MYO1E: variants seen among roughly 807,000 people sequenced by gnomAD.
MYO1E encodes unconventional myosin-Ie.
A neutral mutation model predicts 151.1 loss-of-function variants in MYO1E; 68 were observed. The ratio of observed to expected loss-of-function variants is 0.45; its 90% CI spans 0.37 to 0.55. MYO1E has a LOEUF of 0.55. Among genes scored for constraint, MYO1E ranks in the 20% least tolerant of loss-of-function variants. MYO1E has a pLI of 0.00. For synonymous variants in MYO1E, 601 were observed against 501.7 expected (o/e 1.20, Z -2.64); for missense variants, 1,363 against 1,389.3 (o/e 0.98, Z 0.30).
At chr15:59,297,790 C>T (rs116761949) in intron 1 of MYO1E, among the ~76,000 whole-genome samples, 111 of 151,970 alleles carry the variant, frequency 7.3e-4, no homozygotes, top group African/African-American at 2.4e-3. Context: ...CTATGTTGCC[C>T]GGGTTGGTCT....
intron 1 of MYO1E, among the ~76,000 whole-genome samples, chr15:59,314,031 T>C (rs557241902): frequency 6.6e-6 from 1 of 152,360 alleles, no homozygotes; most frequent in South Asian, 2.1e-4. Context: ...CATTCATGCT[T>C]TCAGGCCTGG....
intron 1 of MYO1E, among the ~76,000 whole-genome samples, chr15:59,297,025 GTGT>G (rs2080453605): frequency 5.5e-5 from 3 of 54,774 alleles, no homozygotes; most frequent in Non-Finnish European, 8.7e-5. Context: ...CTAATTTTTT[GTGT>G]TTTTTTGTAG....
At chr15:59,140,622 GAAC>G (rs1234306199) in intron 26 of MYO1E, among the ~76,000 whole-genome samples, 10 of 152,328 alleles carry the variant, frequency 6.6e-5, no homozygotes, top group Admixed American at 3.9e-4. Context: ...GTTCTGGAAA[GAAC>G]AACCACACCC....
intron 26 of MYO1E, among the ~76,000 whole-genome samples, chr15:59,151,976 G>C (rs944720547): frequency 1.3e-5 from 2 of 152,100 alleles, no homozygotes; most frequent in Non-Finnish European, 2.9e-5. Context: ...GCTGAGGCAG[G>C]GGAATCGCTT....
At chr15:59,285,512 C>T (rs547309846) in intron 1 of MYO1E, among the ~76,000 whole-genome samples, 7 of 152,028 alleles carry the variant, frequency 4.6e-5, no homozygotes, top group African/African-American at 9.6e-5. Flanking sequence ...AGGTGCCCAC[C>T]GCCACGCCCA....
chr15:59,153,567 T>C (rs146722975), intron 26 of MYO1E, 23 bp downstream of exon 26: 1 of 1,612,050 alleles, frequency 6.2e-7, no homozygotes, highest in South Asian at 1.1e-5. Context: ...GCCGGCTTCA[T>C]CCAGAGGATG....
chr15:59,293,441 G>C (rs957968684), intron 1 of MYO1E, among the ~76,000 whole-genome samples: 4 of 151,960 alleles, frequency 2.6e-5, no homozygotes, highest in Non-Finnish European at 5.9e-5. Context: ...AGCTACTTGG[G>C]AGACCAAGGC....
At chr15:59,151,960 C>T (rs1328552171) in intron 26 of MYO1E, among the ~76,000 whole-genome samples, 2 of 151,824 alleles carry the variant, frequency 1.3e-5, no homozygotes, top group Non-Finnish European at 1.5e-5. Context: ...CCTGGCTACT[C>T]GGGAGGCTGA....
intron 17 of MYO1E, among the ~76,000 whole-genome samples, chr15:59,192,582 G>A (rs1024125468): frequency 3.3e-5 from 5 of 152,088 alleles, no homozygotes; most frequent in Admixed American, 6.5e-5. Context: ...TGCCAACTCC[G>A]TCTTGCAGAG....
chr15:59,240,369 AGT>A (rs778056693), intron 4 of MYO1E, among the ~76,000 whole-genome samples: 2 of 151,966 alleles, frequency 1.3e-5, no homozygotes, highest in Admixed American at 1.3e-4. Context: ...AGTATTGTAG[AGT>A]GTGTGTCTGT....
At chr15:59,240,446 G>T (rs766302994) in intron 4 of MYO1E, among the ~76,000 whole-genome samples, 19 of 152,142 alleles carry the variant, frequency 1.2e-4, no homozygotes, top group Non-Finnish European at 2.4e-4. Context: ...CAACGAAATG[G>T]AAAGAATGTT....
chr15:59,294,952 C>T (rs1477498210), intron 1 of MYO1E, among the ~76,000 whole-genome samples: 1 of 152,096 alleles, frequency 6.6e-6, no homozygotes, highest in Non-Finnish European at 1.5e-5. Flanking sequence ...CTCTTTAAAG[C>T]CTGCAAGTTC....
chr15:59,137,329 C>T lies in MYO1E; in HGVS notation c.*51G>A, dbSNP rs2079379047. On this transcript the variant is annotated 3_prime_UTR_variant, in exon 28 of 28. Transcript: ENST00000288235. ...GGGGAGCCCCTAAATATCCCCTCCC[C>T]TGGTCTGTGCCTGGAGCTCCTCTGC... The T allele has an allele frequency of 6.6e-7, 1 of 1,520,918 alleles. No homozygotes were observed. The highest frequency in any genetic ancestry group is 1.1e-5 in the South Asian group (1 of 89,246). The allele number at this position is 1,520,918 out of a possible 1,614,324, so 94.2% of individuals were successfully genotyped here. A position where few individuals can be genotyped will look rare whatever the true frequency, so the allele number is the denominator to read the frequency against.
At chr15:59,194,303 C>G in intron 17 of MYO1E, among the ~76,000 whole-genome samples, 1 of 152,192 alleles carries the variant, frequency 6.6e-6, no homozygotes, top group East Asian at 1.9e-4. Context: ...CAGACTTAGA[C>G]TGCATGCCGA....
At chr15:59,261,145 G>A (rs1271623445) in intron 3 of MYO1E, among the ~76,000 whole-genome samples, 5 of 151,854 alleles carry the variant, frequency 3.3e-5, no homozygotes, top group African/African-American at 1.2e-4. Context: ...CCCGGAAGGC[G>A]GAGGTTGCAG....
At chr15:59,279,614 T>G (rs963110578) in intron 1 of MYO1E, among the ~76,000 whole-genome samples, 2 of 152,136 alleles carry the variant, frequency 1.3e-5, no homozygotes, top group Admixed American at 1.3e-4. Flanking sequence ...CACTCCCCCC[T>G]GGGCCACTGG....
chr15:59,366,862 T>C (rs2080916834), intron 1 of MYO1E, among the ~76,000 whole-genome samples: 1 of 152,138 alleles, frequency 6.6e-6, no homozygotes, highest in South Asian at 2.1e-4. Context: ...ACCTTTGGCA[T>C]TTAACCTTTA....
intron 4 of MYO1E, among the ~76,000 whole-genome samples, chr15:59,250,221 A>C (rs1359947386): frequency 2.6e-5 from 4 of 152,100 alleles, no homozygotes; most frequent in Admixed American, 2.6e-4. Context: ...GGAGAGTCTG[A>C]CGATATGATT....
rs544004243 is a variant in MYO1E, at chr15:59,152,025, G to A, written c.3080+1565C>T. On this transcript the variant is annotated intron_variant, in intron 26 of 27. Transcript: ENST00000288235. ...AGAGATTGCAGTGAGCCGAGATTGT[G>A]GCACTGCACTCCAGCCTGGCAACCG... Among the ~76,000 whole-genome samples, 12 of 151,446 alleles carry A rather than the reference G, an allele frequency of 7.9e-5. No individual in the cohort carries two copies. In the South Asian group the frequency reaches 2.3e-3, roughly 29 times the overall value.
Sources: gnomAD v4.1 joint callset for allele counts (sites outside exome capture counted in the v4.1 genomes callset) on GRCh38, gnomAD v4.1.1 for gene constraint, MANE v1.5 for transcripts, NCBI Gene and HGNC (gene_info 2026-07-23, HGNC 2026-07-21) for gene names.